DPP10: variants seen among roughly 807,000 people sequenced by gnomAD.
The protein encoded by DPP10 is inactive dipeptidyl peptidase 10.
A neutral mutation model predicts 120.9 loss-of-function variants in DPP10; 33 were observed. That is an observed-to-expected ratio of 0.27 (90% CI 0.21 to 0.37). The LOEUF is 0.37. DPP10 is among the 10% of genes least tolerant of loss of function. DPP10 has a pLI of 1.00. For missense variants in DPP10, 816 were observed against 942.8 expected (o/e 0.87, Z 1.76); for synonymous variants, 337 against 326.1 (o/e 1.03, Z -0.36).
intron 1 of DPP10, among the ~76,000 whole-genome samples, chr2:114,482,871 A>G (rs577121748): frequency 6.6e-6 from 1 of 152,312 alleles, no homozygotes; most frequent in African/African-American, 2.4e-5. Context: ...TGGATCCACA[A>G]TAACTTCAGT....
At chr2:114,869,422 C>T (rs1395417063) in intron 1 of DPP10, among the ~76,000 whole-genome samples, 1 of 152,106 alleles carries the variant, frequency 6.6e-6, no homozygotes, top group Non-Finnish European at 1.5e-5. Flanking sequence ...TCATTTCTTA[C>T]AGATAGGCAG....
intron 1 of DPP10, among the ~76,000 whole-genome samples, chr2:115,133,361 T>C (rs548200712): frequency 6.6e-6 from 1 of 151,496 alleles, no homozygotes; most frequent in East Asian, 2.0e-4. Flanking sequence ...CATTTCTGTT[T>C]AGGAAATTTA....
At chr2:114,650,427 A>G (rs1224475279) in intron 1 of DPP10, among the ~76,000 whole-genome samples, 3 of 152,206 alleles carry the variant, frequency 2.0e-5, no homozygotes, top group Admixed American at 1.3e-4. Context: ...TGCTCCAAAA[A>G]GTGATACATG....
chr2:115,069,156 T>C (rs930806866), intron 1 of DPP10, among the ~76,000 whole-genome samples: 1 of 152,136 alleles, frequency 6.6e-6, no homozygotes, highest in African/African-American at 2.4e-5. Context: ...TTTAACAATA[T>C]AGATTCTTCC....
chr2:115,088,901 GA>G (rs936184276), intron 1 of DPP10, among the ~76,000 whole-genome samples: 1 of 151,528 alleles, frequency 6.6e-6, no homozygotes, highest in African/African-American at 2.4e-5. Flanking sequence ...ATTTAACTAG[GA>G]AAAAAACTTC....
At chr2:115,326,055 G>A (rs574070161) in intron 2 of DPP10, among the ~76,000 whole-genome samples, 1 of 152,170 alleles carries the variant, frequency 6.6e-6, no homozygotes, top group South Asian at 2.1e-4. Context: ...AAGTCCATTG[G>A]TCCATCTTAC....
intron 1 of DPP10, among the ~76,000 whole-genome samples, chr2:114,957,334 G>A (rs1273851979): frequency 1.3e-5 from 2 of 151,520 alleles, no homozygotes; most frequent in African/African-American, 4.8e-5. Context: ...AATATATTTT[G>A]TAATATATTA....
chr2:115,054,417 C>T (rs532190803), intron 1 of DPP10, among the ~76,000 whole-genome samples: 15 of 152,182 alleles, frequency 9.9e-5, no homozygotes, highest in Non-Finnish European at 1.8e-4. Context: ...CATACATAAG[C>T]CCATTGCAAA....
At chr2:115,760,216 A>C (rs1417569658) in intron 11 of DPP10, among the ~76,000 whole-genome samples, 1 of 152,222 alleles carries the variant, frequency 6.6e-6, no homozygotes, top group Non-Finnish European at 1.5e-5. Flanking sequence ...ACTTATCTAC[A>C]CAATGGAATT....
At chr2:115,159,340 C>T (rs1213987817) in intron 1 of DPP10, among the ~76,000 whole-genome samples, 5 of 152,030 alleles carry the variant, frequency 3.3e-5, no homozygotes, top group Non-Finnish European at 7.4e-5. Flanking sequence ...CGCCTGTAGT[C>T]CCAGCTACTT....
intron 8 of DPP10, among the ~76,000 whole-genome samples, chr2:115,732,079 T>G (rs1223142559): frequency 6.6e-6 from 1 of 152,158 alleles, no homozygotes; most frequent in African/African-American, 2.4e-5. Context: ...TTCAACGTTA[T>G]GTGTGTGATA....
chr2:115,729,669 G>C (rs7608947), intron 8 of DPP10, among the ~76,000 whole-genome samples: 2 of 151,554 alleles, frequency 1.3e-5, no homozygotes, highest in Non-Finnish European at 2.9e-5. Context: ...GAAGTGAGAG[G>C]ATTGTTAATG....
intron 3 of DPP10, among the ~76,000 whole-genome samples, chr2:115,409,477 G>C (rs899080781): frequency 3.3e-5 from 5 of 152,136 alleles, no homozygotes; most frequent in African/African-American, 1.2e-4. Flanking sequence ...ACTTACTTCT[G>C]CAAGAATGAC....
chr2:115,713,192 T>G (rs767718011), intron 7 of DPP10, among the ~76,000 whole-genome samples: 4 of 151,586 alleles, frequency 2.6e-5, no homozygotes, highest in Non-Finnish European at 5.9e-5. Context: ...GAGGTGTGAG[T>G]TGATAAGCAG....
At position 114,621,642 on chromosome 2, in the gene DPP10, GCA is replaced by G. The variant is rs578192323; in HGVS notation, c.60+178806_60+178807del. On this transcript the variant is annotated intron_variant, in intron 1 of 25. Coordinates refer to ENST00000410059, the MANE Select transcript of DPP10 (RefSeq NM_020868.6). ...TGGAGTTAAAAGGGATCTTCAAAAG[GCA>G]CTCCGAGCACCCTTATAGTTTCAGC... Among the ~76,000 whole-genome samples the G allele has an allele frequency of 3.1e-3, 468 of 151,920 alleles. 2 individuals are homozygous for G. The highest frequency in any genetic ancestry group is 0.017 in the Middle Eastern group (5 of 294).
intron 1 of DPP10, among the ~76,000 whole-genome samples, chr2:115,172,822 G>A (rs1367211556): frequency 6.6e-6 from 1 of 152,160 alleles, no homozygotes; most frequent in African/African-American, 2.4e-5. Flanking sequence ...GTTGGATGTT[G>A]AAGTTCCCAG....
chr2:115,442,790 T>A (rs1243621741), intron 3 of DPP10, among the ~76,000 whole-genome samples: 1 of 152,194 alleles, frequency 6.6e-6, no homozygotes, highest in African/African-American at 2.4e-5. Context: ...CCAAGAGGAT[T>A]ACATTATTGA....
chr2:115,058,756 T>TA (rs1553479564), intron 1 of DPP10, among the ~76,000 whole-genome samples: 4,928 of 151,916 alleles, frequency 0.032, 170 homozygotes, highest in East Asian at 0.17. Flanking sequence ...TCTTTTTTTT[T>TA]ATTTTTTTAT....
intron 1 of DPP10, among the ~76,000 whole-genome samples, chr2:114,752,949 C>T (rs903377967): frequency 1.6e-4 from 25 of 152,292 alleles, no homozygotes; most frequent in South Asian, 2.1e-4. Context: ...CACCCACTCA[C>T]GGGCAGCACT....
Sources: allele counts gnomAD v4.1 joint callset (sites outside exome capture counted in the v4.1 genomes callset), GRCh38; gene constraint gnomAD v4.1.1; transcripts MANE v1.5; gene names NCBI Gene and HGNC (gene_info 2026-07-23, HGNC 2026-07-21).